Variants in GLTP observed in about 807,000 individuals in gnomAD.
GLTP encodes the protein glycolipid transfer protein.
A neutral mutation model predicts 24.0 loss-of-function variants in GLTP; 22 were observed. The ratio of observed to expected loss-of-function variants is 0.92; its 90% confidence interval spans 0.65 to 1.31. The LOEUF is 1.31. Ranked by LOEUF, GLTP falls within the 50% of genes most tolerant of loss-of-function variation. GLTP has a pLI of 0.00. For missense variants in GLTP, 224 were observed against 276.6 expected (o/e 0.81, Z 1.35); for synonymous variants, 92 against 115.9 (o/e 0.79, Z 1.33).
At chr12:109,859,611 TTA>T (rs1491127269) in intron 1 of GLTP, among the ~76,000 whole-genome samples, 4 of 149,782 alleles carry the variant, frequency 2.7e-5, no homozygotes, top group African/African-American at 7.3e-5. Flanking sequence ...AAGATTTTTT[TTA>T]AAAAAAAGTA....
rs1868715599 is a variant in GLTP, at chr12:109,871,337, G to A, written c.103+8935C>T. Among the ~76,000 whole-genome samples, 3 of 151,812 alleles carry A rather than the reference G, an allele frequency of 2.0e-5. No homozygotes were observed. The South Asian group carries it at 6.2e-4, about 32-fold the overall frequency. On this transcript the variant is annotated intron_variant, in intron 1 of 4. Coordinates refer to ENST00000318348, the MANE Select transcript of GLTP (RefSeq NM_016433.4). ...CCTGACCTCGTGATCTACCCGCTTC[G>A]GCCCCCCAAAGTGTTGGGATTACAG...
intron 1 of GLTP, among the ~76,000 whole-genome samples, chr12:109,869,938 A>G (rs1375971234): frequency 2.0e-5 from 3 of 150,910 alleles, no homozygotes; most frequent in African/African-American, 7.3e-5. Context: ...TGTATTTTTA[A>G]AAGAGACAAG....
At chr12:109,867,841 G>A (rs1868580435) in intron 1 of GLTP, among the ~76,000 whole-genome samples, 1 of 147,346 alleles carries the variant, frequency 6.8e-6, no homozygotes, top group South Asian at 2.1e-4. Context: ...GCACTGACAC[G>A]ATCTCAGCTC....
intron 1 of GLTP, among the ~76,000 whole-genome samples, chr12:109,878,751 G>T (rs778469128): frequency 6.6e-6 from 1 of 152,228 alleles, no homozygotes; most frequent in Non-Finnish European, 1.5e-5. Flanking sequence ...GCATTCAGCA[G>T]TATTGACTGA....
At chr12:109,874,918 C>T (rs1412534740) in intron 1 of GLTP, among the ~76,000 whole-genome samples, 1 of 152,110 alleles carries the variant, frequency 6.6e-6, no homozygotes, top group Non-Finnish European at 1.5e-5. Context: ...TGCTAACATG[C>T]CCGACCAATT....
At chr12:109,871,564 A>G (rs948078690) in intron 1 of GLTP, among the ~76,000 whole-genome samples, 1 of 152,180 alleles carries the variant, frequency 6.6e-6, no homozygotes, top group Non-Finnish European at 1.5e-5. Flanking sequence ...GACCTGCTGT[A>G]AAGTCCTGTG....
rs1454886894 is a variant in GLTP at position 109,855,310 on chromosome 12, G to T, written c.447+309C>A. ...TCAGGCTGGGCCACTTTTGACCTGG[G>T]GTCCTCCAGGGCTTTCCCTGTGGTT... On this transcript the variant is annotated intron_variant, in intron 4 of 4. Coordinates refer to ENST00000318348, the MANE Select transcript of GLTP (RefSeq NM_016433.4). The surrounding 1 kb of genome is among the most constrained non-coding windows in gnomAD (Gnocchi z 4.1). 6.6e-6 allele frequency among the ~76,000 whole-genome samples: 1 copy of T among 152,218 alleles called. No individual in the cohort carries two copies. Among genetic ancestry groups the T allele is most frequent in the African/African-American group, 2.4e-5 (1 of 41,458 alleles).
In GLTP at chr12:109,857,641, C is replaced by T. The variant is rs773950157; in HGVS notation, c.181G>A (p.Asp61Asn). Reference protein sequence around the residue: ...GNITKIKAVYDTNPAKFRTLQ... With the variant: ...GNITKIKAVYNTNPAKFRTLQ... ...GTCCGGAACTTGGCTGGGTTGGTGT[C>T]GTACACAGCTTTGATTTTCTGAAAT... The change falls in exon 3 of 5, where the codon GAC (aspartate) becomes AAC (asparagine). Residue 61 changes from aspartate to asparagine, a missense_variant. Asp to Asn is a conservative substitution (Grantham distance 23, BLOSUM62 1). Transcript: ENST00000318348. The surrounding 1 kb of genome is among the most constrained non-coding windows in gnomAD (Gnocchi z 4.3). 3.1e-6 allele frequency: 5 copies of T among 1,614,006 alleles called. No homozygotes were observed. Among genetic ancestry groups the T allele is most frequent in the East Asian group, 2.2e-5 (1 of 44,894 alleles).
rs537013778 is a variant in GLTP at position 109,852,112 on chromosome 12, G to C, written c.*443C>G. The C allele has an allele frequency of 1.3e-5, 2 of 153,066 alleles. No individual in the cohort carries two copies. Among genetic ancestry groups the C allele is most frequent in the East Asian group, 3.9e-4 (2 of 5,184 alleles). The allele number at this position is 153,066 out of a possible 1,614,324, so 9.5% of individuals were successfully genotyped here. ...GATCCACCCGCCTCAGCCTCCCAAA[G>C]TGCTGGGATTACAGGCGTGAGCCAC... On this transcript the variant is annotated 3_prime_UTR_variant, in exon 5 of 5. Coordinates refer to ENST00000318348, the MANE Select transcript of GLTP (RefSeq NM_016433.4).
At chr12:109,853,550 G>A (rs1296592204) in intron 4 of GLTP, among the ~76,000 whole-genome samples, 1 of 151,594 alleles carries the variant, frequency 6.6e-6, no homozygotes, top group Non-Finnish European at 1.5e-5. Context: ...TTAGCCAGGT[G>A]TGGTGGCTGG....
At chr12:109,863,029 G>A (rs1320632120) in intron 1 of GLTP, among the ~76,000 whole-genome samples, 1 of 152,154 alleles carries the variant, frequency 6.6e-6, no homozygotes. Context: ...TCCAGCCTGG[G>A]CAACAAGAGT....
intron 1 of GLTP, among the ~76,000 whole-genome samples, chr12:109,879,799 G>C (rs940442090): frequency 4.6e-5 from 7 of 152,174 alleles, no homozygotes; most frequent in Admixed American, 2.0e-4. Context: ...CCATGAGGGA[G>C]AGGCTGGAAG....
chr12:109,870,610 A>G (rs1868690677), intron 1 of GLTP, among the ~76,000 whole-genome samples: 1 of 152,204 alleles, frequency 6.6e-6, no homozygotes. Flanking sequence ...CAATTATTCC[A>G]ATGATTAAGA....
rs969564557 is a variant in GLTP at position 109,873,843 on chromosome 12, C to T, written c.103+6429G>A. ...ACACACACACACACACACACACAACCAGCCAACTTGTTTGGGGCTTTTCCC... is the reference window on the plus strand; with the variant it reads ...ACACACACACACACACACACACAACTAGCCAACTTGTTTGGGGCTTTTCCC... On this transcript the variant is annotated intron_variant, in intron 1 of 4. Transcript: ENST00000318348. 2.9e-4 allele frequency among the ~76,000 whole-genome samples: 44 copies of T among 151,924 alleles called. 1 individual carries two copies. The highest frequency in any genetic ancestry group is 9.7e-4 in the African/African-American group (40 of 41,394).
At chr12:109,869,456 C>CTTTTT (rs1218490016) in intron 1 of GLTP, among the ~76,000 whole-genome samples, 3 of 115,042 alleles carry the variant, frequency 2.6e-5, no homozygotes, top group South Asian at 2.9e-4. Flanking sequence ...TGGGAAAATT[C>CTTTTT]TTTTTTTTTT....
rs56313678 is a variant in GLTP, at chr12:109,852,373, CAA to C, written c.*180_*181del. ...TATTTACTGGTCCTTTAGAATAGAC[CAA>C]AAAAAAAAAAAAAAAAGACTTAAAA... is the stretch of plus-strand genomic sequence containing the variant. On this transcript the variant is annotated 3_prime_UTR_variant, in exon 5 of 5. Coordinates refer to ENST00000318348, the MANE Select transcript of GLTP (RefSeq NM_016433.4). 21,481 of 281,062 alleles carry C rather than the reference CAA, an allele frequency of 0.076. 306 individuals are homozygous for C. The highest frequency in any genetic ancestry group is 0.15 in the African/African-American group (5,461 of 35,860). 17.4% of individuals were successfully genotyped at this position (281,062 alleles called of 1,614,324 possible).
intron 1 of GLTP, among the ~76,000 whole-genome samples, chr12:109,878,710 G>A (rs1462728988): frequency 6.6e-6 from 1 of 152,108 alleles, no homozygotes; most frequent in Non-Finnish European, 1.5e-5. Flanking sequence ...ATTATCTCAA[G>A]ACTGTGACAC....
intron 1 of GLTP, among the ~76,000 whole-genome samples, chr12:109,868,937 T>C (rs1248667415): frequency 6.6e-6 from 1 of 152,140 alleles, no homozygotes; most frequent in Non-Finnish European, 1.5e-5. Flanking sequence ...TAAAACAGGT[T>C]CCTGCTCTGA....
chr12:109,866,070 C>T (rs778402290), intron 1 of GLTP: 2 of 152,054 alleles, frequency 1.3e-5, no homozygotes, highest in Non-Finnish European at 2.9e-5. Flanking sequence ...GCTAATATCC[C>T]TAATATGTAA....
Sources: gnomAD v4.1 joint callset for allele counts (sites outside exome capture counted in the v4.1 genomes callset) on GRCh38, gnomAD v4.1.1 for gene constraint, Gnocchi (gnomAD v3.1) non-coding constraint, MANE v1.5 for transcripts, NCBI Gene and HGNC (gene_info 2026-07-23, HGNC 2026-07-21) for gene names.